REEP1: variants seen among roughly 807,000 people sequenced by gnomAD.
REEP1 encodes the protein receptor accessory protein 1, also known as receptor expression-enhancing protein 1.
A neutral mutation model predicts 40.3 loss-of-function variants in REEP1; 22 were observed. The observed-to-expected ratio is 0.55, with a 90% CI of 0.39 to 0.78. The LOEUF is 0.78. Ranked by LOEUF, REEP1 falls within the 30% of genes least tolerant of loss-of-function variation. REEP1 has a pLI of 0.00. For synonymous variants in REEP1, 116 were observed against 139.2 expected (o/e 0.83, Z 1.17); for missense variants, 280 against 361.1 (o/e 0.78, Z 1.82).
chr2:86,218,766 G>A (rs773404707), intron 8 of REEP1, among the ~76,000 whole-genome samples: 234 of 152,218 alleles, frequency 1.5e-3, no homozygotes, highest in Non-Finnish European at 2.3e-3. Context: ...TAAAAGGGAT[G>A]CATGTGTGCC....
chr2:86,337,275 C>T lies in REEP1; in HGVS notation c.32+204G>A. 3.5e-6 allele frequency: 1 copy of T among 285,960 alleles called. No homozygotes were observed. 17.7% of individuals were successfully genotyped at this position (285,960 alleles called of 1,614,324 possible). ...GCCCCCCGCAAGCGGCCGCCGGCGC[C>T]GGCTGCCTCCTGGGCAGCAGCCGCG... is the stretch of plus-strand genomic sequence containing the variant. On this transcript the variant is annotated intron_variant, in intron 1 of 8. Transcript: ENST00000538924. The surrounding 1 kb of genome is among the most constrained non-coding windows in gnomAD (Gnocchi z 5.8).
intron 5 of REEP1, among the ~76,000 whole-genome samples, chr2:86,236,176 A>T (rs1419305392): frequency 6.6e-6 from 1 of 151,520 alleles, no homozygotes; most frequent in Non-Finnish European, 1.5e-5. Context: ...AGATCATGCC[A>T]TTGCACTCCA....
intron 5 of REEP1, among the ~76,000 whole-genome samples, chr2:86,246,827 G>A (rs1675986299): frequency 6.6e-6 from 1 of 151,164 alleles, no homozygotes; most frequent in African/African-American, 2.4e-5. Context: ...TCAGCCTTCC[G>A]AGTAGCTAGG....
At chr2:86,254,848 G>A (rs749801534) in intron 3 of REEP1, 34 bp from the exon 4 acceptor site, 1 of 1,611,364 alleles carries the variant, frequency 6.2e-7, no homozygotes, top group Non-Finnish European at 8.5e-7. Flanking sequence ...AGTTCTGTTA[G>A]GTTCTCAGCA....
chr2:86,276,738 C>G (rs1396701856), intron 2 of REEP1, among the ~76,000 whole-genome samples: 2 of 152,130 alleles, frequency 1.3e-5, no homozygotes, highest in Non-Finnish European at 2.9e-5. Context: ...GTTCCTTAAT[C>G]TATGATTAAG....
intron 3 of REEP1, among the ~76,000 whole-genome samples, chr2:86,258,170 T>A (rs1024433939): frequency 6.6e-6 from 1 of 152,224 alleles, no homozygotes; most frequent in African/African-American, 2.4e-5. Context: ...TACTTCAGCA[T>A]CTACCAACAG....
chr2:86,275,111 G>C (rs999213286), intron 2 of REEP1, among the ~76,000 whole-genome samples: 1 of 152,112 alleles, frequency 6.6e-6, no homozygotes, highest in African/African-American at 2.4e-5. Flanking sequence ...CTGCGCTTCA[G>C]CCTCACAGGG....
chr2:86,248,340 C>T (rs1226139315), intron 5 of REEP1, among the ~76,000 whole-genome samples: 1 of 152,210 alleles, frequency 6.6e-6, no homozygotes, highest in Non-Finnish European at 1.5e-5. Context: ...AGAAGACAGG[C>T]AGGTCCAAGA....
intron 1 of REEP1, among the ~76,000 whole-genome samples, chr2:86,329,935 A>ATC (rs1172607725): frequency 6.6e-6 from 1 of 152,210 alleles, no homozygotes; most frequent in African/African-American, 2.4e-5. Flanking sequence ...GAGGACAGAA[A>ATC]TCTTTCTTGG....
intron 5 of REEP1, among the ~76,000 whole-genome samples, chr2:86,241,995 T>C (rs1279937441): frequency 6.6e-6 from 1 of 152,112 alleles, no homozygotes; most frequent in Non-Finnish European, 1.5e-5. Context: ...AGAGCCTGCC[T>C]TGTAAATAAC....
chr2:86,289,456 C>T (rs1215173023), intron 1 of REEP1, among the ~76,000 whole-genome samples: 1 of 152,148 alleles, frequency 6.6e-6, no homozygotes, highest in Non-Finnish European at 1.5e-5. Context: ...TCCTGATATT[C>T]TTAAAATTGT....
chr2:86,300,476 G>A (rs10200526), intron 1 of REEP1, among the ~76,000 whole-genome samples: 51,930 of 152,078 alleles, frequency 0.34, 9,815 homozygotes, highest in Middle Eastern at 0.45. Context: ...ACTCAAGAGT[G>A]GGGACTGCAA....
chr2:86,217,239 G>A (rs933435037), intron 8 of REEP1, 129 bp from the exon 9 acceptor site: 3 of 770,668 alleles, frequency 3.9e-6, no homozygotes, highest in Non-Finnish European at 6.9e-6. Context: ...TAGGGCTGGG[G>A]TCTCCCTGAA....
chr2:86,301,974 A>G (rs545231988), intron 1 of REEP1, among the ~76,000 whole-genome samples: 16 of 152,346 alleles, frequency 1.1e-4, no homozygotes, highest in Admixed American at 7.2e-4. Flanking sequence ...CATGACAGCA[A>G]CAAATGCTTC....
chr2:86,311,255 T>TTCTGCCCGCATGGTGCCAGGC (rs1167429205), intron 1 of REEP1, among the ~76,000 whole-genome samples: 1 of 152,172 alleles, frequency 6.6e-6, no homozygotes, highest in Non-Finnish European at 1.5e-5. Context: ...TCCTGCCAGG[T>TTCTGCCCGCATGGTGCCAGGC]TCTGCCCGCA....
intron 1 of REEP1, among the ~76,000 whole-genome samples, chr2:86,317,510 A>G (rs996287122): frequency 2.6e-5 from 4 of 152,204 alleles, no homozygotes; most frequent in Non-Finnish European, 4.4e-5. Flanking sequence ...CAACAATATT[A>G]CCAAGACATT....
At chr2:86,290,261 A>G (rs1678623776) in intron 1 of REEP1, among the ~76,000 whole-genome samples, 2 of 152,160 alleles carry the variant, frequency 1.3e-5, no homozygotes, top group South Asian at 4.1e-4. Flanking sequence ...AAACCAGATA[A>G]GTCGTTGCCA....
intron 1 of REEP1, among the ~76,000 whole-genome samples, chr2:86,294,594 G>A (rs947512240): frequency 6.6e-6 from 1 of 152,128 alleles, no homozygotes; most frequent in African/African-American, 2.4e-5. Flanking sequence ...CATTTAAGAT[G>A]AGTGAAAATT....
chr2:86,312,108 A>G (rs6734342), intron 1 of REEP1, among the ~76,000 whole-genome samples: 2,939 of 152,244 alleles, frequency 0.019, 95 homozygotes, highest in African/African-American at 0.067. Flanking sequence ...CTGCTTTCAC[A>G]TCACTCCTCC....
Sources: allele counts gnomAD v4.1 joint callset (sites outside exome capture counted in the v4.1 genomes callset), GRCh38; gene constraint gnomAD v4.1.1; non-coding constraint Gnocchi (gnomAD v3.1); transcripts MANE v1.5; gene names NCBI Gene and HGNC (gene_info 2026-07-23, HGNC 2026-07-21).